NARS2: variants seen among roughly 807,000 people sequenced by gnomAD.
NARS2 encodes the protein asparaginyl-tRNA synthetase.
Under a neutral mutation model 62.9 loss-of-function variants are expected in NARS2, and 60 were observed. The ratio of observed to expected loss-of-function variants is 0.95; its 90% CI spans 0.77 to 1.18. The LOEUF (loss-of-function observed/expected upper bound fraction) is 1.18, where lower values mean the gene tolerates loss of function less well. Ranked by LOEUF, NARS2 falls within the 50% of genes most tolerant of loss-of-function variation. The pLI is 0.00. For synonymous variants in NARS2, 196 were observed against 200.0 expected (o/e 0.98, Z 0.17); for missense variants, 619 against 576.4 (o/e 1.07, Z -0.76).
intron 11 of NARS2, among the ~76,000 whole-genome samples, chr11:78,464,678 T>C (rs1033040981): frequency 2.0e-5 from 3 of 151,888 alleles, no homozygotes; most frequent in African/African-American, 7.3e-5. Flanking sequence ...GATTGGTGTA[T>C]TTACAATCCC....
intron 4 of NARS2, among the ~76,000 whole-genome samples, chr11:78,562,482 G>A (rs368793546): frequency 5.9e-5 from 9 of 152,186 alleles, no homozygotes; most frequent in African/African-American, 1.2e-4. Flanking sequence ...CTTTGAAAAC[G>A]CTGCCATACA....
chr11:78,476,358 A>C (rs1042052218), intron 9 of NARS2, among the ~76,000 whole-genome samples: 2 of 152,226 alleles, frequency 1.3e-5, no homozygotes, highest in African/African-American at 2.4e-5. Flanking sequence ...CCTAGGAAGC[A>C]TCACAGAATG....
chr11:78,559,434 T>G, intron 5 of NARS2, 105 bp downstream of exon 5: 2 of 742,374 alleles, frequency 2.7e-6, no homozygotes, highest in East Asian at 2.5e-5. Flanking sequence ...CAATTTCAGG[T>G]GCTGCTCATA....
chr11:78,446,941 A>G (rs769059590), intron 11 of NARS2, among the ~76,000 whole-genome samples: 10 of 152,108 alleles, frequency 6.6e-5, no homozygotes, highest in Non-Finnish European at 1.2e-4. Context: ...TGCAAACCAT[A>G]CATCTTATAA....
intron 6 of NARS2, among the ~76,000 whole-genome samples, chr11:78,528,381 T>G (rs1861368555): frequency 6.6e-6 from 1 of 152,212 alleles, no homozygotes. Flanking sequence ...TTGCTAAAAT[T>G]CATTTGATCT....
intron 6 of NARS2, among the ~76,000 whole-genome samples, chr11:78,526,821 C>G (rs1470520778): frequency 6.6e-6 from 1 of 152,078 alleles, no homozygotes; most frequent in Non-Finnish European, 1.5e-5. Flanking sequence ...CACCTTGCTT[C>G]TAACTTTATA....
chr11:78,508,903 C>T (rs1860607768), intron 6 of NARS2, among the ~76,000 whole-genome samples: 1 of 151,854 alleles, frequency 6.6e-6, no homozygotes, highest in Non-Finnish European at 1.5e-5. Context: ...TCACTTGAGG[C>T]ACGGAGTTTG....
chr11:78,487,457 C>T (rs1859630686), intron 7 of NARS2, among the ~76,000 whole-genome samples: 1 of 151,298 alleles, frequency 6.6e-6, no homozygotes, highest in South Asian at 2.1e-4. Flanking sequence ...CATCACAGCA[C>T]CATGGGACAA....
At chr11:78,510,368 G>T (rs982322624) in intron 6 of NARS2, among the ~76,000 whole-genome samples, 6 of 151,996 alleles carry the variant, frequency 3.9e-5, no homozygotes, top group African/African-American at 1.5e-4. Context: ...ATACAAAAGG[G>T]TTACAAGAAA....
chr11:78,518,619 G>A (rs1220388348), intron 6 of NARS2, among the ~76,000 whole-genome samples: 3 of 151,942 alleles, frequency 2.0e-5, no homozygotes, highest in African/African-American at 4.8e-5. Context: ...CTGGGTTCAC[G>A]CCATTCTCCT....
rs193027292 is a variant in NARS2 at position 78,566,112 on chromosome 11, G to C, written c.513+20C>G. 3.5e-5 allele frequency: 55 copies of C among 1,589,542 alleles called. No homozygotes were observed. In the East Asian group the frequency reaches 1.1e-3, roughly 32 times the overall value. On this transcript the variant is annotated intron_variant, in intron 4 of 13. Transcript: ENST00000281038. ...ATTAAAACTGTTTAAAGGGTCAAGA[G>C]GGAACTTTTAGGATCTTACCTTAAA...
chr11:78,501,154 A>G (rs1444396598), intron 6 of NARS2, among the ~76,000 whole-genome samples: 2 of 152,210 alleles, frequency 1.3e-5, no homozygotes, highest in Non-Finnish European at 2.9e-5. Context: ...TACAAATAAC[A>G]TATTTTTTAT....
chr11:78,490,402 CTG>C (rs1859770673), intron 7 of NARS2, among the ~76,000 whole-genome samples: 2 of 152,052 alleles, frequency 1.3e-5, no homozygotes, highest in Non-Finnish European at 1.5e-5. Context: ...TAAAATGACT[CTG>C]TGTTTTCTTC....
rs1330685376 is a variant in NARS2, at chr11:78,468,329, GA to G, written c.1026+917del. Among the ~76,000 whole-genome samples, 5 of 90,834 alleles carry G rather than the reference GA, an allele frequency of 5.5e-5. No homozygotes were observed. In the East Asian group the frequency reaches 1.5e-3, roughly 28 times the overall value. 59.6% of individuals were successfully genotyped at this position (90,834 alleles called of 152,430 possible). ...AAATCTGAAAAAAAAAAAAAAAAAAGAAAAAAAAGAAAAAGAAAAACACACC... is the reference window on the plus strand; with the variant it reads ...AAATCTGAAAAAAAAAAAAAAAAAAGAAAAAAAGAAAAAGAAAAACACACC... On this transcript the variant is annotated intron_variant, in intron 10 of 13. Coordinates refer to ENST00000281038, the MANE Select transcript of NARS2 (RefSeq NM_024678.6).
chr11:78,502,984 A>C (rs1590785625), intron 6 of NARS2, among the ~76,000 whole-genome samples: 1 of 130,610 alleles, frequency 7.7e-6, no homozygotes. Context: ...ACAGAGTGAG[A>C]CTGTCTCAAA....
chr11:78,448,076 G>C (rs1305234877), intron 11 of NARS2, among the ~76,000 whole-genome samples: 1 of 152,098 alleles, frequency 6.6e-6, no homozygotes, highest in Non-Finnish European at 1.5e-5. Context: ...TGATAGATAA[G>C]TCAGGTGAAG....
Position 78,528,954 on chromosome 11 carries a change from A to G in NARS2, c.595-18T>C, listed in dbSNP as rs113865571. ...CCTGAAGGCTGCAAATCAAAAACAT[A>G]AGCCACAAAAAACTATTAAATGTTT... On this transcript the variant is annotated intron_variant, in intron 5 of 13. Coordinates refer to ENST00000281038, the MANE Select transcript of NARS2 (RefSeq NM_024678.6). 3 of 1,508,694 alleles carry G rather than the reference A, an allele frequency of 2.0e-6. No homozygotes were observed. Among genetic ancestry groups the G allele is most frequent in the Non-Finnish European group, 2.8e-6 (3 of 1,087,684 alleles). The allele number at this position is 1,508,694 out of a possible 1,614,324, so 93.5% of individuals were successfully genotyped here.
intron 4 of NARS2, among the ~76,000 whole-genome samples, chr11:78,561,889 G>C (rs1409208605): frequency 6.6e-6 from 1 of 152,000 alleles, no homozygotes. Context: ...GTAAAACCCA[G>C]TTTCTACTAA....
chr11:78,506,938 T>C (rs1444401161), intron 6 of NARS2, among the ~76,000 whole-genome samples: 5 of 152,172 alleles, frequency 3.3e-5, no homozygotes, highest in Admixed American at 3.3e-4. Flanking sequence ...CAATTTCAGC[T>C]CTTAGCACAG....
Sources: allele counts gnomAD v4.1 joint callset (sites outside exome capture counted in the v4.1 genomes callset), GRCh38; gene constraint gnomAD v4.1.1; transcripts MANE v1.5; gene names NCBI Gene and HGNC (gene_info 2026-07-23, HGNC 2026-07-21).